The following FOXK1 variants were observed in gnomAD, a reference collection of about 807,000 sequenced individuals.
FOXK1 encodes forkhead box K1, also known as forkhead box protein K1.
A neutral mutation model predicts 51.9 loss-of-function variants in FOXK1; 19 were observed. The observed-to-expected ratio is 0.37, with a 90% CI of 0.26 to 0.54. The LOEUF (loss-of-function observed/expected upper bound fraction) is 0.54. Ranked by LOEUF, FOXK1 falls within the 20% of genes least tolerant of loss-of-function variation. The pLI is 0.87. For missense variants in FOXK1, 870 were observed against 1,032.7 expected (o/e 0.84, Z 2.16); for synonymous variants, 537 against 482.6 (o/e 1.11, Z -1.48).
Position 4,761,392 on chromosome 7 carries a change from C to A in FOXK1, c.1921+104C>A. The A allele has an allele frequency of 8.5e-7, 1 of 1,181,676 alleles. No individual in the cohort carries two copies. The highest frequency in any genetic ancestry group is 1.4e-5 in the South Asian group (1 of 70,878). The allele number at this position is 1,181,676 out of a possible 1,614,324, so 73.2% of individuals were successfully genotyped here. ...TCCCAGTATCTCCCGATCCTCCACT[C>A]AGTTCAATTTATTGAGCACCTGCTA... On this transcript the variant is annotated intron_variant, in intron 8 of 8. Coordinates refer to ENST00000328914, the MANE Select transcript of FOXK1 (RefSeq NM_001037165.2). This position sits in a 1 kb window ranked among gnomAD's most constrained non-coding sequence, Gnocchi z 6.2.
At chr7:4,720,322 A>AC (rs11398356) in intron 1 of FOXK1, among the ~76,000 whole-genome samples, 52,842 of 151,884 alleles carry the variant, frequency 0.35, 9,679 homozygotes, top group African/African-American at 0.44. Context: ...GGATTCAGTG[A>AC]CATGCATGGG....
intron 7 of FOXK1, among the ~76,000 whole-genome samples, chr7:4,760,380 GCCACTCT>G (rs1554255005): frequency 6.6e-6 from 1 of 152,144 alleles, no homozygotes. Context: ...GCCCTCCTAG[GCCACTCT>G]CCACCCTGGA....
At chr7:4,719,943 G>C (rs546014079) in intron 1 of FOXK1, among the ~76,000 whole-genome samples, 8 of 152,242 alleles carry the variant, frequency 5.3e-5, no homozygotes, top group African/African-American at 1.9e-4. Context: ...CTCCCAGCTT[G>C]TGACCTCTTT....
At chr7:4,695,168 C>G (rs1260076815) in intron 1 of FOXK1, among the ~76,000 whole-genome samples, 1 of 152,210 alleles carries the variant, frequency 6.6e-6, no homozygotes, top group African/African-American at 2.4e-5. Context: ...CTGTACAGCC[C>G]TGGCATTGGG....
rs1356296887 is a variant in FOXK1 at position 4,723,214 on chromosome 7, G to A, written c.561-17624G>A. ...CATAGGGTGGGTGGACACCCATGGC[G>A]GCTTGCACGTTGCACGTCCCCCGGC... On this transcript the variant is annotated intron_variant, in intron 1 of 8. Coordinates refer to ENST00000328914, the MANE Select transcript of FOXK1 (RefSeq NM_001037165.2). The surrounding 1 kb of genome is among the most constrained non-coding windows in gnomAD (Gnocchi z 4.7). Among the ~76,000 whole-genome samples, 1 of 151,984 alleles carries A rather than the reference G, an allele frequency of 6.6e-6. No homozygotes were observed. The highest frequency in any genetic ancestry group is 6.6e-5 in the Admixed American group (1 of 15,252).
chr7:4,719,799 C>CA (rs1410098611), intron 1 of FOXK1, among the ~76,000 whole-genome samples: 2 of 152,190 alleles, frequency 1.3e-5, no homozygotes, highest in Non-Finnish European at 2.9e-5. Flanking sequence ...AACATCTCTT[C>CA]ATGTGCTTAT....
At chr7:4,687,058 G>A (rs984097063) in intron 1 of FOXK1, among the ~76,000 whole-genome samples, 2 of 151,224 alleles carry the variant, frequency 1.3e-5, no homozygotes, top group Non-Finnish European at 2.9e-5. Flanking sequence ...TCAGCCTCCC[G>A]AGTACCTGGG....
intron 2 of FOXK1, among the ~76,000 whole-genome samples, chr7:4,746,272 C>T (rs529809656): frequency 6.6e-6 from 1 of 152,308 alleles, no homozygotes; most frequent in East Asian, 1.9e-4. Context: ...AACATTCAGT[C>T]CTAACTTGGT....
chr7:4,728,730 G>GAAAAAA (rs67143977), intron 1 of FOXK1, among the ~76,000 whole-genome samples: 2 of 103,868 alleles, frequency 1.9e-5, no homozygotes, highest in Non-Finnish European at 3.8e-5. Flanking sequence ...GTCTCTTTTT[G>GAAAAAA]AAAAAAAAAA....
chr7:4,726,976 G>C (rs1780389009), intron 1 of FOXK1, among the ~76,000 whole-genome samples: 1 of 151,834 alleles, frequency 6.6e-6, no homozygotes, highest in Non-Finnish European at 1.5e-5. Flanking sequence ...ACGGGGTCTT[G>C]CTCTGTCACC....
At position 4,682,687 on chromosome 7, in the gene FOXK1, C is replaced by A; in HGVS notation, c.379C>A (p.Arg127Ser). The A allele has an allele frequency of 6.2e-7, 1 of 1,600,302 alleles. No individual in the cohort carries two copies. Residue 127 changes from arginine (R) to serine (S), a missense_variant, in exon 1 of 9, where the codon CGC (arginine) becomes AGC (serine). Around this residue, in one of 3 missense-constraint regions of FOXK1, gnomAD observed 399 missense variants for 475.6 expected, o/e 0.84. Transcript: ENST00000328914. The surrounding 1 kb of genome is among the most constrained non-coding windows in gnomAD (Gnocchi z 7.6). ...GCGCCAGCCCAGCGTCACCATCGGC[C>A]GCAACTCGTCGCAGGGCTCGGTGGA... is the stretch of plus-strand genomic sequence containing the variant. The part of the protein sequence containing the change: ...LMRQPSVTIG[R>S]NSSQGSVDLS...
intron 1 of FOXK1, among the ~76,000 whole-genome samples, chr7:4,726,079 T>G (rs1037411503): frequency 1.3e-5 from 2 of 152,108 alleles, no homozygotes; most frequent in East Asian, 1.9e-4. Flanking sequence ...GGGTTTGCAT[T>G]TGGGGGCTCT....
intron 1 of FOXK1, among the ~76,000 whole-genome samples, chr7:4,706,026 GTA>G (rs1217251179): frequency 1.3e-5 from 1 of 74,416 alleles, no homozygotes; most frequent in Non-Finnish European, 2.4e-5. Flanking sequence ...ATATATACGT[GTA>G]TATACGTGTA....
chr7:4,688,267 A>G (rs1270323917), intron 1 of FOXK1, among the ~76,000 whole-genome samples: 2 of 56,410 alleles, frequency 3.5e-5, no homozygotes, highest in South Asian at 4.7e-4. Context: ...AAGAATTCTT[A>G]AAAAAAAAAA....
At chr7:4,750,031 T>C (rs533502107) in intron 2 of FOXK1, among the ~76,000 whole-genome samples, 2 of 152,314 alleles carry the variant, frequency 1.3e-5, no homozygotes, top group East Asian at 3.9e-4. Context: ...GGGTTGTCCC[T>C]GTGAGCACAG....
intron 1 of FOXK1, 65 bp from the exon 2 acceptor site, chr7:4,740,773 C>A: frequency 6.6e-7 from 1 of 1,507,730 alleles, no homozygotes; most frequent in Admixed American, 2.2e-5. Flanking sequence ...ACGCACCTTC[C>A]CTGGGTGTTG....
rs1583218791 is a variant in FOXK1, at chr7:4,771,100, A to C, written c.*8636A>C. 1 of 152,370 alleles carries C rather than the reference A, an allele frequency of 6.6e-6. No homozygotes were observed. Among genetic ancestry groups the C allele is most frequent in the Admixed American group, 6.6e-5 (1 of 15,244 alleles). The allele number at this position is 152,370 out of a possible 1,614,324, so 9.4% of individuals were successfully genotyped here. A position where few individuals can be genotyped will look rare whatever the true frequency, so the allele number is the denominator to read the frequency against. ...GCGCCCGGCGGGGGGGTGTGGCTGC[A>C]CCCCAGCACCGGGAGGGGGCACGCA... On this transcript the variant is annotated 3_prime_UTR_variant, in exon 9 of 9. Transcript: ENST00000328914.
Position 4,768,217 on chromosome 7 carries a change from C to G in FOXK1, c.*5753C>G. The stretch of plus-strand genomic sequence containing the variant: ...GCGTGATCTCGGCTCACTGCAAGCT[C>G]CGCCTCCCGGGTTCACGCCATTCTC... On this transcript the variant is annotated 3_prime_UTR_variant, in exon 9 of 9. Transcript: ENST00000328914. 1 of 141,146 alleles carries G rather than the reference C, an allele frequency of 7.1e-6. No homozygotes were observed. Among genetic ancestry groups the G allele is most frequent in the Non-Finnish European group, 1.5e-5 (1 of 66,910 alleles). The allele number at this position is 141,146 out of a possible 1,614,324, so 8.7% of individuals were successfully genotyped here. A position where few individuals can be genotyped will look rare whatever the true frequency, so the allele number is the denominator to read the frequency against.
chr7:4,761,018 T>A lies in FOXK1; in HGVS notation c.1697-46T>A. ...CTGCCCAGGCGTCGAGGAAATCGAT[T>A]GTCTCGTTGGCCGAGTGTGGTGCTG... On this transcript the variant is annotated intron_variant, in intron 7 of 8. Coordinates refer to ENST00000328914, the MANE Select transcript of FOXK1 (RefSeq NM_001037165.2). This position sits in a 1 kb window ranked among gnomAD's most constrained non-coding sequence, Gnocchi z 6.2. The A allele has an allele frequency of 6.4e-7, 1 of 1,566,144 alleles. No homozygotes were observed. Among genetic ancestry groups the A allele is most frequent in the African/African-American group, 1.3e-5 (1 of 74,096 alleles).
Sources: allele counts gnomAD v4.1 joint callset (sites outside exome capture counted in the v4.1 genomes callset), GRCh38; gene constraint gnomAD v4.1.1; regional missense constraint gnomAD v4.1.1; non-coding constraint Gnocchi (gnomAD v3.1); transcripts MANE v1.5; gene names NCBI Gene and HGNC (gene_info 2026-07-23, HGNC 2026-07-21).